The following TAFA5 variants were observed in gnomAD, a reference collection of about 807,000 sequenced individuals.
The protein encoded by TAFA5 is TAFA chemokine like family member 5, also known as chemokine-like protein TAFA-5.
In TAFA5, 6 loss-of-function variants were observed where a neutral mutation model predicts 15.3. That is an observed-to-expected ratio of 0.39 (90% confidence interval 0.21 to 0.77). The LOEUF (loss-of-function observed/expected upper bound fraction) is 0.77, where lower values mean the gene tolerates loss of function less well. Among genes scored for constraint, TAFA5 ranks in the 30% least tolerant of loss-of-function variants. The probability of loss-of-function intolerance (pLI) is 0.41; values close to 1 mark genes in which losing one functional copy is unlikely to be tolerated. For synonymous variants in TAFA5, 103 were observed against 80.7 expected (o/e 1.28, Z -1.48); for missense variants, 161 against 193.1 (o/e 0.83, Z 0.98).
chr22:48,546,518 T>G (rs1482247355), intron 1 of TAFA5: 1 of 471,166 alleles, frequency 2.1e-6, no homozygotes, highest in Admixed American at 2.3e-5. Context: ...CTCACCTGGC[T>G]GGGCAGCCCG....
chr22:48,645,633 G>A (rs572204887), intron 1 of TAFA5, among the ~76,000 whole-genome samples: 1 of 152,196 alleles, frequency 6.6e-6, no homozygotes, highest in South Asian at 2.1e-4. Flanking sequence ...CTGTAATGTG[G>A]GGAGCAGAGG....
intron 1 of TAFA5, among the ~76,000 whole-genome samples, chr22:48,623,015 C>T (rs1374792108): frequency 6.6e-6 from 1 of 152,268 alleles, no homozygotes; most frequent in African/African-American, 2.4e-5. Context: ...AAGCTCTTAA[C>T]TCCAGACGGC....
At chr22:48,589,433 G>T (rs1924479451) in intron 1 of TAFA5, among the ~76,000 whole-genome samples, 1 of 151,842 alleles carries the variant, frequency 6.6e-6, no homozygotes, top group Admixed American at 6.6e-5. Flanking sequence ...GAGCCACCTG[G>T]AAACCCAGGG....
chr22:48,600,783 G>A (rs889182387), intron 1 of TAFA5, among the ~76,000 whole-genome samples: 7 of 152,146 alleles, frequency 4.6e-5, no homozygotes, highest in East Asian at 1.9e-4. Flanking sequence ...GGCATGAATC[G>A]TCCCTTTGTC....
At chr22:48,564,698 C>T (rs1298045850) in intron 1 of TAFA5, among the ~76,000 whole-genome samples, 1 of 152,218 alleles carries the variant, frequency 6.6e-6, no homozygotes, top group Admixed American at 6.5e-5. Flanking sequence ...CTCAGTTGGA[C>T]AGAGTGGGCT....
At chr22:48,502,765 G>GC (rs902755058) in intron 1 of TAFA5, among the ~76,000 whole-genome samples, 99 of 152,174 alleles carry the variant, frequency 6.5e-4, no homozygotes, top group African/African-American at 2.4e-3. Context: ...CAGGTGATCC[G>GC]CCCCCCTCGG....
At chr22:48,584,095 TCACA>T in intron 1 of TAFA5, among the ~76,000 whole-genome samples, 1 of 113,602 alleles carries the variant, frequency 8.8e-6, no homozygotes, top group East Asian at 2.8e-4. Flanking sequence ...ACAAAATATA[TCACA>T]CACACACACC....
intron 2 of TAFA5, among the ~76,000 whole-genome samples, chr22:48,690,576 C>A (rs1273966753): frequency 6.6e-6 from 1 of 152,198 alleles, no homozygotes; most frequent in Non-Finnish European, 1.5e-5. Context: ...GCCCTTCCTG[C>A]CTGCTGTGCT....
chr22:48,499,042 C>G (rs1480201497), intron 1 of TAFA5, among the ~76,000 whole-genome samples: 1 of 152,204 alleles, frequency 6.6e-6, no homozygotes, highest in Non-Finnish European at 1.5e-5. Context: ...GAGACAGCTC[C>G]TGCAGGCTCA....
In TAFA5 at chr22:48,750,641, A is replaced by C. The variant is rs1930462136; in HGVS notation, c.*794A>C. 6.5e-6 allele frequency: 1 copy of C among 152,976 alleles called. No individual in the cohort carries two copies. The highest frequency in any genetic ancestry group is 2.4e-5 in the African/African-American group (1 of 41,476). 9.5% of individuals were successfully genotyped at this position (152,976 alleles called of 1,614,324 possible). A position where few individuals can be genotyped will look rare whatever the true frequency, so the allele number is the denominator to read the frequency against. On this transcript the variant is annotated 3_prime_UTR_variant, in exon 4 of 4. Coordinates refer to ENST00000402357, the MANE Select transcript of TAFA5 (RefSeq NM_001082967.3). The stretch of plus-strand genomic sequence containing the variant: ...ACTAAAATCCCTTTCTGTTTTAACC[A>C]GTTAAACATGCCTCTTCTACAGCTC...
intron 2 of TAFA5, among the ~76,000 whole-genome samples, chr22:48,688,890 C>A (rs1928447656): frequency 6.6e-6 from 1 of 151,286 alleles, no homozygotes; most frequent in African/African-American, 2.4e-5. Flanking sequence ...TACTTGGGAG[C>A]CTGAGGCAGG....
intron 3 of TAFA5, among the ~76,000 whole-genome samples, chr22:48,714,799 G>A (rs1929354043): frequency 6.6e-6 from 1 of 152,218 alleles, no homozygotes; most frequent in Non-Finnish European, 1.5e-5. Flanking sequence ...TCAAGGTCCT[G>A]AAGGCCAGGA....
chr22:48,610,097 G>A (rs79147928), intron 1 of TAFA5, among the ~76,000 whole-genome samples: 16,251 of 152,220 alleles, frequency 0.11, 1,032 homozygotes, highest in Non-Finnish European at 0.14. Flanking sequence ...ACAGTGGAGG[G>A]GGCTGTTTGG....
Position 48,703,091 on chromosome 22 carries a change from G to A in TAFA5, c.263-4626G>A, listed in dbSNP as rs561348636. 3.9e-5 allele frequency among the ~76,000 whole-genome samples: 6 copies of A among 152,178 alleles called. No homozygotes were observed. The South Asian group carries it at 1.0e-3, about 26-fold the overall frequency. The stretch of plus-strand genomic sequence containing the variant: ...TGTGTGTGCGTGAACGTGTGTGCAT[G>A]TGTGCGTGTGTGCTGCACCTATAGA... On this transcript the variant is annotated intron_variant, in intron 2 of 3. Coordinates refer to ENST00000402357, the MANE Select transcript of TAFA5 (RefSeq NM_001082967.3).
intron 3 of TAFA5, among the ~76,000 whole-genome samples, chr22:48,714,022 A>G (rs1401329256): frequency 6.6e-6 from 1 of 152,196 alleles, no homozygotes; most frequent in Non-Finnish European, 1.5e-5. Flanking sequence ...TGTCTGTGCC[A>G]ATCCGCCAGG....
intron 1 of TAFA5, among the ~76,000 whole-genome samples, chr22:48,609,524 TCGCCTCTGTCCA>T (rs1321715211): frequency 9.2e-5 from 14 of 152,140 alleles, no homozygotes; most frequent in African/African-American, 2.2e-4. Flanking sequence ...GCCTTGGACC[TCGCCTCTGTCCA>T]CGCCTCTGTC....
intron 2 of TAFA5, among the ~76,000 whole-genome samples, chr22:48,677,251 G>A (rs180882734): frequency 3.9e-5 from 6 of 152,352 alleles, no homozygotes; most frequent in South Asian, 4.1e-4. Flanking sequence ...GGATCTGCTC[G>A]TGGCTCCCCC....
At chr22:48,704,777 G>C (rs898198804) in intron 2 of TAFA5, among the ~76,000 whole-genome samples, 1 of 140,352 alleles carries the variant, frequency 7.1e-6, no homozygotes, top group Non-Finnish European at 1.6e-5. Flanking sequence ...TGTCTCAGCC[G>C]GCTCAGGCTG....
At chr22:48,650,755 C>T (rs993689889) in intron 2 of TAFA5, among the ~76,000 whole-genome samples, 7 of 152,208 alleles carry the variant, frequency 4.6e-5, no homozygotes, top group Admixed American at 2.0e-4. Context: ...AAACCAGCCA[C>T]GCACTGTGGC....
Sources: allele counts gnomAD v4.1 joint callset (sites outside exome capture counted in the v4.1 genomes callset), GRCh38; gene constraint gnomAD v4.1.1; transcripts MANE v1.5; gene names NCBI Gene and HGNC (gene_info 2026-07-23, HGNC 2026-07-21).